Variants in PGM5 observed in about 807,000 individuals in gnomAD.
PGM5 encodes phosphoglucomutase-like protein 5.
In PGM5, 23 loss-of-function variants were observed where a neutral mutation model predicts 59.2. That is an observed-to-expected ratio of 0.39 (90% confidence interval 0.28 to 0.55). PGM5 has a LOEUF of 0.55. Ranked by LOEUF, PGM5 falls within the 20% of genes least tolerant of loss-of-function variation. The pLI is 0.66. For synonymous variants in PGM5, 214 were observed against 286.0 expected (o/e 0.75, Z 2.54); for missense variants, 574 against 748.3 (o/e 0.77, Z 2.72).
At chr9:68,407,902 T>C (rs1180094928) in intron 6 of PGM5, among the ~76,000 whole-genome samples, 1 of 152,238 alleles carries the variant, frequency 6.6e-6, no homozygotes, top group Non-Finnish European at 1.5e-5. Context: ...GTGGACTCCT[T>C]TGTTACTAAT....
At position 68,440,980 on chromosome 9, in the gene PGM5, G is replaced by T. The variant is rs1602751; in HGVS notation, c.1044-24113G>T. ...AAACATCAGGAGTAAGAATACTACT[G>T]TAGACCCTTTAGACTTTAAAATAAT... On this transcript the variant is annotated intron_variant, in intron 6 of 10. Transcript: ENST00000396396. 2.4e-3 allele frequency among the ~76,000 whole-genome samples: 369 copies of T among 151,842 alleles called. 5 individuals are homozygous for T. In the East Asian group the frequency reaches 0.057, roughly 24 times the overall value.
chr9:68,512,616 A>T (rs782783992), intron 10 of PGM5, among the ~76,000 whole-genome samples: 1 of 152,152 alleles, frequency 6.6e-6, no homozygotes, highest in African/African-American at 2.4e-5. Flanking sequence ...CTCTGGGTCC[A>T]AATTTCCCCT....
intron 6 of PGM5, among the ~76,000 whole-genome samples, chr9:68,438,458 A>G (rs1160197489): frequency 6.6e-6 from 1 of 152,046 alleles, no homozygotes; most frequent in Non-Finnish European, 1.5e-5. Context: ...CTCCCCTTTC[A>G]GATTCATTAG....
chr9:68,432,399 C>T (rs1457567299), intron 6 of PGM5, among the ~76,000 whole-genome samples: 3 of 151,934 alleles, frequency 2.0e-5, no homozygotes, highest in Non-Finnish European at 4.4e-5. Context: ...CAGGGTTTTG[C>T]CATGTTGGCC....
chr9:68,366,409 G>A (rs2777149), intron 1 of PGM5, among the ~76,000 whole-genome samples: 7 of 152,248 alleles, frequency 4.6e-5, no homozygotes, highest in African/African-American at 1.7e-4. Flanking sequence ...ATGATAGCTT[G>A]TTGGTGAAAA....
chr9:68,457,421 G>A (rs573706201), intron 6 of PGM5, among the ~76,000 whole-genome samples: 1 of 152,270 alleles, frequency 6.6e-6, no homozygotes, highest in African/African-American at 2.4e-5. Flanking sequence ...GGATACCCAT[G>A]CCTCACAGAA....
chr9:68,375,619 C>T (rs1446298587), intron 1 of PGM5, among the ~76,000 whole-genome samples: 4 of 152,074 alleles, frequency 2.6e-5, no homozygotes, highest in African/African-American at 9.7e-5. Flanking sequence ...TACCACATGC[C>T]AGATTTATTT....
chr9:68,510,541 T>C (rs899943803), intron 10 of PGM5, among the ~76,000 whole-genome samples: 45 of 152,202 alleles, frequency 3.0e-4, no homozygotes, highest in African/African-American at 1.1e-3. Context: ...TTGAGATAGA[T>C]ATACTTCTTA....
intron 10 of PGM5, among the ~76,000 whole-genome samples, chr9:68,503,252 A>G (rs1824606682): frequency 6.6e-6 from 1 of 152,240 alleles, no homozygotes. Context: ...ACCCATCATA[A>G]GTTGAAAATG....
chr9:68,441,956 G>A (rs265112), intron 6 of PGM5, among the ~76,000 whole-genome samples: 45 of 152,008 alleles, frequency 3.0e-4, no homozygotes, highest in African/African-American at 1.1e-3. Context: ...ATTGAAAAAA[G>A]CAATACTATT....
Position 68,529,762 on chromosome 9 carries a change from A to G in PGM5, c.*106A>G. On this transcript the variant is annotated 3_prime_UTR_variant, in exon 11 of 11. Coordinates refer to ENST00000396396, the MANE Select transcript of PGM5 (RefSeq NM_021965.4). Reference sequence around the variant, plus strand: ...GTGCCTCTTATGACTTTGGAAAAACAAAAGATATTTTGCTTTTGGGGGATA... The same window carrying G: ...GTGCCTCTTATGACTTTGGAAAAACGAAAGATATTTTGCTTTTGGGGGATA... The G allele has an allele frequency of 1.5e-6, 1 of 653,438 alleles. No individual in the cohort carries two copies. Among genetic ancestry groups the G allele is most frequent in the Non-Finnish European group, 2.5e-6 (1 of 394,472 alleles). The allele number at this position is 653,438 out of a possible 1,614,324, so 40.5% of individuals were successfully genotyped here.
Position 68,423,552 on chromosome 9 carries a change from G to A in PGM5, c.1043+31079G>A, listed in dbSNP as rs554872953. ...CTTGGTGTTGAGAATGGCATGCAGA[G>A]CTGACATTAGGTTCAATCAGGTTGT... On this transcript the variant is annotated intron_variant, in intron 6 of 10. Transcript: ENST00000396396. 4.7e-4 allele frequency among the ~76,000 whole-genome samples: 71 copies of A among 152,242 alleles called. No individual in the cohort carries two copies. In the South Asian group the frequency reaches 9.8e-3, roughly 21 times the overall value.
chr9:68,491,148 G>C (rs1336119409), intron 9 of PGM5, among the ~76,000 whole-genome samples: 1 of 152,226 alleles, frequency 6.6e-6, no homozygotes, highest in Non-Finnish European at 1.5e-5. Flanking sequence ...ATTCAGGACA[G>C]TTGAGATTCC....
chr9:68,508,354 TA>T (rs1160948805), intron 10 of PGM5, among the ~76,000 whole-genome samples: 1 of 152,016 alleles, frequency 6.6e-6, no homozygotes, highest in Admixed American at 6.5e-5. Context: ...GCCTGGACCC[TA>T]AAAAAAATTA....
At chr9:68,465,028 G>T in intron 6 of PGM5, 65 bp from the exon 7 acceptor site, 2 of 1,018,626 alleles carry the variant, frequency 2.0e-6, no homozygotes, top group Non-Finnish European at 3.1e-6. Flanking sequence ...ACTTCCTACT[G>T]TGCTGAGAAA....
At chr9:68,509,668 C>G (rs1824715307) in intron 10 of PGM5, among the ~76,000 whole-genome samples, 1 of 149,278 alleles carries the variant, frequency 6.7e-6, no homozygotes, top group Non-Finnish European at 1.5e-5. Context: ...GTGGGTGAAG[C>G]CTTTTTGGAG....
chr9:68,405,529 G>T (rs1318447294), intron 6 of PGM5: 1 of 152,624 alleles, frequency 6.6e-6, no homozygotes, highest in Non-Finnish European at 1.5e-5. Context: ...AGTGGTTCTT[G>T]CCTCTGACCT....
intron 10 of PGM5, among the ~76,000 whole-genome samples, chr9:68,525,225 G>A (rs1354481320): frequency 6.6e-6 from 1 of 152,110 alleles, no homozygotes; most frequent in Non-Finnish European, 1.5e-5. Context: ...CTCCAGGAAT[G>A]CCCACAGGAG....
rs1215652487 is a variant in PGM5 at position 68,430,390 on chromosome 9, C to A, written c.1044-34703C>A. Among the ~76,000 whole-genome samples the A allele has an allele frequency of 2.0e-4, 30 of 152,248 alleles. 1 individual carries two copies. Among genetic ancestry groups the A allele is most frequent in the Admixed American group, 2.0e-3 (30 of 15,286 alleles). On this transcript the variant is annotated intron_variant, in intron 6 of 10. Coordinates refer to ENST00000396396, the MANE Select transcript of PGM5 (RefSeq NM_021965.4). ...GTGCATTTCATGCTTTCGCTTTCCA[C>A]AATGTTTATTCTGTTAAAGTAAACT...
Sources: gnomAD v4.1 joint callset for allele counts (sites outside exome capture counted in the v4.1 genomes callset) on GRCh38, gnomAD v4.1.1 for gene constraint, MANE v1.5 for transcripts, NCBI Gene and HGNC (gene_info 2026-07-23, HGNC 2026-07-21) for gene names.